ZCCHC14: variants seen among roughly 807,000 people sequenced by gnomAD.
ZCCHC14 encodes the protein zinc finger CCHC-type containing 14, also known as zinc finger CCHC domain-containing protein 14.
In ZCCHC14, 16 loss-of-function variants were observed where a neutral mutation model predicts 85.0. The observed-to-expected ratio is 0.19, with a 90% CI of 0.13 to 0.29. The LOEUF (loss-of-function observed/expected upper bound fraction) is 0.29. Ranked by LOEUF, ZCCHC14 falls within the 10% of genes least tolerant of loss-of-function variation. The probability of loss-of-function intolerance (pLI) is 1.00; values close to 1 mark genes in which losing one functional copy is unlikely to be tolerated. For synonymous variants in ZCCHC14, 775 were observed against 630.7 expected (o/e 1.23, Z -3.43); for missense variants, 1,303 against 1,443.5 (o/e 0.90, Z 1.58).
At chr16:87,415,968 C>A (rs931341667) in intron 8 of ZCCHC14, among the ~76,000 whole-genome samples, 1 of 152,122 alleles carries the variant, frequency 6.6e-6, no homozygotes, top group African/African-American at 2.4e-5. Context: ...ACTCTGTCAC[C>A]TAGGCTGGAG....
chr16:87,450,463 G>T (rs1174571417), intron 2 of ZCCHC14, among the ~76,000 whole-genome samples: 2 of 151,284 alleles, frequency 1.3e-5, no homozygotes, highest in Admixed American at 6.6e-5. Flanking sequence ...TTTTTCTTTG[G>T]TTTTTTATTA....
At position 87,467,323 on chromosome 16, in the gene ZCCHC14, C is replaced by T. The variant is rs114657714; in HGVS notation, c.571-7192G>A. 220 of 1,586,622 alleles carry T rather than the reference C, an allele frequency of 1.4e-4. 1 individual carries two copies. The South Asian group carries it at 2.3e-3, about 17-fold the overall frequency. ...CTCAATAATGTAACACTGCCCCAAG[C>T]GAAAACAGAAAAAGATTTCATCCAA... On this transcript the variant is annotated intron_variant, in intron 1 of 12. Transcript: ENST00000671377.
chr16:87,414,965 C>T (rs1816594180), intron 9 of ZCCHC14, among the ~76,000 whole-genome samples: 1 of 152,094 alleles, frequency 6.6e-6, no homozygotes, highest in South Asian at 2.1e-4. Flanking sequence ...GCCTGTAATC[C>T]CAGGTACTTG....
chr16:87,467,070 A>T, intron 1 of ZCCHC14: 4 of 456,420 alleles, frequency 8.8e-6, no homozygotes, highest in East Asian at 3.6e-5. Context: ...TTTACTAAAG[A>T]GACAGGGTCC....
intron 2 of ZCCHC14, among the ~76,000 whole-genome samples, chr16:87,440,803 G>T (rs1475211689): frequency 1.3e-5 from 2 of 151,452 alleles, no homozygotes; most frequent in Non-Finnish European, 2.9e-5. Flanking sequence ...TAGACACGGG[G>T]TTTCGCCATG....
At chr16:87,431,114 G>C (rs1909634346) in intron 3 of ZCCHC14, among the ~76,000 whole-genome samples, 1 of 151,420 alleles carries the variant, frequency 6.6e-6, no homozygotes, top group East Asian at 1.9e-4. Flanking sequence ...ACTCCAGCCT[G>C]GTGACAGAGC....
At chr16:87,451,342 A>G (rs879635523) in intron 2 of ZCCHC14, among the ~76,000 whole-genome samples, 5 of 151,818 alleles carry the variant, frequency 3.3e-5, no homozygotes, top group African/African-American at 1.2e-4. Context: ...TATTACAGGC[A>G]CGTGGCTACC....
chr16:87,443,867 T>C (rs1910302352), intron 2 of ZCCHC14, among the ~76,000 whole-genome samples: 1 of 151,688 alleles, frequency 6.6e-6, no homozygotes, highest in Admixed American at 6.6e-5. Context: ...GGAAACCCAA[T>C]CTCTACTAAA....
intron 2 of ZCCHC14, among the ~76,000 whole-genome samples, chr16:87,459,322 G>C (rs1347467386): frequency 6.6e-6 from 1 of 151,890 alleles, no homozygotes; most frequent in African/African-American, 2.4e-5. Flanking sequence ...GGGTGGGGAG[G>C]AGGGTGTAAA....
At chr16:87,429,483 T>G (rs1007386750) in intron 3 of ZCCHC14, among the ~76,000 whole-genome samples, 2 of 151,996 alleles carry the variant, frequency 1.3e-5, no homozygotes, top group African/African-American at 4.8e-5. Flanking sequence ...GGCAGAACTC[T>G]CAAAACTTAG....
intron 1 of ZCCHC14, among the ~76,000 whole-genome samples, chr16:87,475,176 GC>G (rs1445483746): frequency 2.0e-5 from 3 of 152,192 alleles, no homozygotes; most frequent in Admixed American, 6.5e-5. Flanking sequence ...TTACAACGGG[GC>G]TCAGGAACAG....
intron 7 of ZCCHC14, among the ~76,000 whole-genome samples, chr16:87,418,324 A>C (rs1225600795): frequency 6.6e-6 from 1 of 152,190 alleles, no homozygotes; most frequent in Non-Finnish European, 1.5e-5. Context: ...ACACCTGCTG[A>C]CTGGGCGCTT....
intron 1 of ZCCHC14, among the ~76,000 whole-genome samples, chr16:87,476,057 G>A (rs531401032): frequency 6.6e-6 from 1 of 152,310 alleles, no homozygotes; most frequent in East Asian, 1.9e-4. Context: ...GAGAGACAGG[G>A]TCTCGACTTC....
intron 1 of ZCCHC14, among the ~76,000 whole-genome samples, chr16:87,466,791 C>A (rs1262110411): frequency 1.3e-5 from 2 of 152,174 alleles, no homozygotes; most frequent in Admixed American, 6.5e-5. Flanking sequence ...GCAGGGAATG[C>A]TCAATTCCCA....
chr16:87,416,292 G>T (rs1908779262), intron 8 of ZCCHC14, among the ~76,000 whole-genome samples: 1 of 152,190 alleles, frequency 6.6e-6, no homozygotes, highest in African/African-American at 2.4e-5. Flanking sequence ...ACGCTGAATG[G>T]TTGTGTGGCT....
At chr16:87,485,126 C>T (rs944301270) in intron 1 of ZCCHC14, among the ~76,000 whole-genome samples, 3 of 152,164 alleles carry the variant, frequency 2.0e-5, no homozygotes, top group Non-Finnish European at 1.5e-5. Context: ...CACAGTGCCC[C>T]TCTCTAAGGG....
intron 2 of ZCCHC14, among the ~76,000 whole-genome samples, chr16:87,436,589 T>C (rs751094619): frequency 1.4e-4 from 22 of 152,250 alleles, no homozygotes; most frequent in African/African-American, 4.3e-4. Flanking sequence ...AAAAGGCTGA[T>C]AGAGCAGCAG....
chr16:87,427,949 T>A (rs990216861), intron 3 of ZCCHC14, among the ~76,000 whole-genome samples: 2 of 151,906 alleles, frequency 1.3e-5, no homozygotes, highest in African/African-American at 4.8e-5. Context: ...ATTTTTTTTT[T>A]TTTTTTTTTT....
chr16:87,412,915 G>A lies in ZCCHC14; in HGVS notation c.1806C>T (p.Phe602=), dbSNP rs143225717. ...CCGTGGGTCTGGCGGAACTGGAAGT[G>A]AAGTGATTCAGCAGCATCACCGGCT... ...KEKPVMLLNH[F]TSSSARPTAQ... is the part of the protein sequence containing the mutation. Residue 602 remains phenylalanine (F), a synonymous_variant, in exon 12 of 13, where the codon TTC becomes TTT. Coordinates refer to ENST00000671377, the MANE Select transcript of ZCCHC14 (RefSeq NM_015144.3). The A allele has an allele frequency of 8.1e-6, 13 of 1,601,904 alleles. No individual in the cohort carries two copies. The East Asian group carries it at 2.9e-4, about 36-fold the overall frequency.
Sources: allele counts gnomAD v4.1 joint callset (sites outside exome capture counted in the v4.1 genomes callset), GRCh38; gene constraint gnomAD v4.1.1; transcripts MANE v1.5; gene names NCBI Gene and HGNC (gene_info 2026-07-23, HGNC 2026-07-21).